CELA2B: variants seen among roughly 807,000 people sequenced by gnomAD.
CELA2B encodes the protein chymotrypsin-like elastase family member 2B.
A neutral mutation model predicts 36.5 loss-of-function variants in CELA2B; 27 were observed. The observed-to-expected ratio is 0.74, with a 90% CI of 0.55 to 1.02. CELA2B has a LOEUF of 1.02. Among genes scored for constraint, CELA2B ranks in the 50% least tolerant of loss-of-function variants. The pLI, the probability that CELA2B is intolerant of heterozygous loss-of-function variation, is 0.00. For missense variants in CELA2B, 340 were observed against 347.8 expected, an observed-to-expected ratio of 0.98 and a Z score of 0.18; for synonymous variants, 143 against 148.5, an observed-to-expected ratio of 0.96 and a Z score of 0.27.
In CELA2B at chr1:15,476,478, C is replaced by T; in HGVS notation, c.62C>T (p.Thr21Ile). 6.2e-7 allele frequency: 1 copy of T among 1,614,164 alleles called. No homozygotes were observed. The highest frequency in any genetic ancestry group is 1.3e-5 in the African/African-American group (1 of 75,046). ...ACAGCCCTCAGTTGTGGGGTCTCCA[C>T]TTACGCGCCTGATATGTCTAGGATG... Reference protein sequence around the residue: ...VAGALSCGVSTYAPDMSRMLG... With the variant: ...VAGALSCGVSIYAPDMSRMLG... Residue 21 changes from threonine (T) to isoleucine (I), a missense_variant, in exon 2 of 8, where the codon ACT becomes ATT. Physicochemically the swap from Thr to Ile is moderately conservative, Grantham distance 89 (BLOSUM62 -1). Transcript: ENST00000375910.
In CELA2B at chr1:15,485,936, C is replaced by T. The variant is rs1265172098; in HGVS notation, c.529C>T (p.Gln177Ter). ...GALPDDLKQG[Q>*]LLVVDYATCS... ...TCTCCCTGATGACCTGAAGCAGGGC[C>T]AGTTGCTGGTTGTGGACTATGCCAC... The change falls in exon 6 of 8, where the codon CAG (glutamine) becomes TAG (stop). Residue 177 changes from glutamine (Q) to a stop codon, truncating the protein, a stop_gained. Transcript: ENST00000375910. LOFTEE classifies it high-confidence loss of function. 1.9e-5 allele frequency: 31 copies of T among 1,614,054 alleles called. 1 individual carries two copies. In the South Asian group the frequency reaches 2.4e-4, roughly 13 times the overall value.
chr1:15,479,144 T>C (rs1708711753), intron 2 of CELA2B, among the ~76,000 whole-genome samples: 1 of 152,198 alleles, frequency 6.6e-6, no homozygotes, highest in Non-Finnish European at 1.5e-5. Context: ...GTAGATACTT[T>C]TCAGTGTCTT....
chr1:15,488,637 T>C (rs1570813281), intron 7 of CELA2B, among the ~76,000 whole-genome samples: 1 of 152,206 alleles, frequency 6.6e-6, no homozygotes, highest in Non-Finnish European at 1.5e-5. Context: ...TTTTAGGCAC[T>C]AGAGCAAGAG....
At position 15,486,931 on chromosome 1, in the gene CELA2B, C is replaced by G. The variant is rs543527908; in HGVS notation, c.640-354C>G. Among the ~76,000 whole-genome samples the G allele has an allele frequency of 1.7e-3, 252 of 152,356 alleles. 2 individuals carry two copies. Among genetic ancestry groups the G allele is most frequent in the African/African-American group, 5.9e-3 (245 of 41,580 alleles). On this transcript the variant is annotated intron_variant, in intron 6 of 7. Transcript: ENST00000375910. ...TGGGGAAGAGCCTGGCAGCTGAAGT[C>G]TGGGATGTGGCCTCAGCTCCTTTAC...
intron 3 of CELA2B, chr1:15,481,814 G>A (rs1708744868): frequency 6.4e-6 from 3 of 467,474 alleles, no homozygotes; most frequent in South Asian, 3.1e-5. Flanking sequence ...GCTCTAGGAG[G>A]TGATGGGGAT....
intron 5 of CELA2B, among the ~76,000 whole-genome samples, chr1:15,484,087 T>C (rs1708776391): frequency 6.6e-6 from 1 of 152,148 alleles, no homozygotes; most frequent in Admixed American, 6.5e-5. Context: ...TCATGTGACA[T>C]CTTCTGTGTG....
chr1:15,488,355 G>A (rs1371448666), intron 7 of CELA2B, among the ~76,000 whole-genome samples: 3 of 152,106 alleles, frequency 2.0e-5, no homozygotes, highest in Non-Finnish European at 4.4e-5. Flanking sequence ...CCACTGCACT[G>A]CAGCCTGAGC....
chr1:15,482,446 G>C, intron 4 of CELA2B, 53 bp downstream of exon 4: 4 of 1,611,048 alleles, frequency 2.5e-6, no homozygotes, highest in Non-Finnish European at 3.4e-6. Context: ...GAACAGATGG[G>C]GGTCTCACAG....
At chr1:15,488,403 AAT>A (rs1708832068) in intron 7 of CELA2B, among the ~76,000 whole-genome samples, 2 of 152,190 alleles carry the variant, frequency 1.3e-5, no homozygotes, top group African/African-American at 4.8e-5. Flanking sequence ...TAATGATAAT[AAT>A]AGTTGGCATA....
chr1:15,490,067 T>C (rs1991031), intron 7 of CELA2B, among the ~76,000 whole-genome samples: 40,785 of 151,868 alleles, frequency 0.27, 6,217 homozygotes, highest in African/African-American at 0.4. Context: ...AGAGATGGGG[T>C]TTCACCATGT....
intron 3 of CELA2B, chr1:15,481,780 C>T (rs982406251): frequency 1.3e-5 from 6 of 469,268 alleles, no homozygotes; most frequent in Non-Finnish European, 2.2e-5. Flanking sequence ...GGAGTGATCC[C>T]TTCTCCCATC....
intron 2 of CELA2B, among the ~76,000 whole-genome samples, chr1:15,480,033 G>A (rs1479359011): frequency 1.3e-5 from 2 of 152,142 alleles, no homozygotes; most frequent in Admixed American, 6.5e-5. Context: ...GCAGAGAAGA[G>A]AAGTCATCTG....
chr1:15,487,614 T>A (rs112484995), intron 7 of CELA2B, among the ~76,000 whole-genome samples, 177 bp downstream of exon 7: 1 of 152,172 alleles, frequency 6.6e-6, no homozygotes, highest in African/African-American at 2.4e-5. Flanking sequence ...TCCCCAAAAT[T>A]TCTGTGTGGG....
chr1:15,485,813 G>T, intron 5 of CELA2B, 88 bp from the exon 6 acceptor site: 1 of 1,495,998 alleles, frequency 6.7e-7, no homozygotes, highest in Non-Finnish European at 9.2e-7. Context: ...ATGGAAGATG[G>T]TAACAGGGGA....
intron 2 of CELA2B, among the ~76,000 whole-genome samples, chr1:15,477,670 T>TC (rs1439488016): frequency 6.6e-6 from 1 of 152,118 alleles, no homozygotes; most frequent in Non-Finnish European, 1.5e-5. Flanking sequence ...TTACGACTTT[T>TC]CCCCCCAATC....
chr1:15,489,932 G>A (rs1326532572), intron 7 of CELA2B, among the ~76,000 whole-genome samples: 1 of 151,918 alleles, frequency 6.6e-6, no homozygotes, highest in East Asian at 1.9e-4. Flanking sequence ...GGAGTACAGT[G>A]GCTTGATCTC....
chr1:15,483,836 C>G (rs534544141), intron 5 of CELA2B, among the ~76,000 whole-genome samples: 191 of 151,430 alleles, frequency 1.3e-3, no homozygotes, highest in Middle Eastern at 0.01. Flanking sequence ...GCCTGAGGCA[C>G]AAGAATCATT....
At chr1:15,487,683 C>G (rs1442544476) in intron 7 of CELA2B, among the ~76,000 whole-genome samples, 1 of 152,178 alleles carries the variant, frequency 6.6e-6, no homozygotes. Flanking sequence ...TTGGACACTC[C>G]TCAGGTACGT....
rs573363134 is a variant in CELA2B, at chr1:15,487,986, G to T, written c.792+549G>T. 1.3e-4 allele frequency among the ~76,000 whole-genome samples: 20 copies of T among 151,958 alleles called. No homozygotes were observed. The South Asian group carries it at 4.1e-3, about 32-fold the overall frequency. ...ATAAAGCTGAGTTGGTCCCCGTCTT[G>T]TAAATGTAAACTCAGAGAGCTGTCT... On this transcript the variant is annotated intron_variant, in intron 7 of 7. Coordinates refer to ENST00000375910, the MANE Select transcript of CELA2B (RefSeq NM_015849.3).
Sources: gnomAD v4.1 joint callset for allele counts (sites outside exome capture counted in the v4.1 genomes callset) on GRCh38, gnomAD v4.1.1 for gene constraint, MANE v1.5 for transcripts, NCBI Gene and HGNC (gene_info 2026-07-23, HGNC 2026-07-21) for gene names.